The following SLC10A7 variants were observed in gnomAD, a reference collection of about 807,000 sequenced individuals.
SLC10A7 encodes the protein solute carrier family 10 member 7, also known as sodium/bile acid cotransporter 7.
A neutral mutation model predicts 43.2 loss-of-function variants in SLC10A7; 29 were observed. The observed-to-expected ratio is 0.67, with a 90% CI of 0.50 to 0.92. The LOEUF (loss-of-function observed/expected upper bound fraction) is 0.92, where lower values mean the gene tolerates loss of function less well. SLC10A7 is among the 40% of genes least tolerant of loss of function. The pLI, the probability that SLC10A7 is intolerant of heterozygous loss-of-function variation, is 0.00. For synonymous variants in SLC10A7, 152 were observed against 144.8 expected (o/e 1.05, Z -0.35); for missense variants, 295 against 403.2 (o/e 0.73, Z 2.30).
intron 9 of SLC10A7, among the ~76,000 whole-genome samples, chr4:146,290,142 C>A (rs76737518): frequency 6.7e-5 from 10 of 150,284 alleles, no homozygotes; most frequent in African/African-American, 1.9e-4. Context: ...GGCTAACATG[C>A]TGAAACCCCA....
intron 5 of SLC10A7, among the ~76,000 whole-genome samples, chr4:146,427,953 T>C (rs916678749): frequency 6.6e-6 from 1 of 152,064 alleles, no homozygotes; most frequent in African/African-American, 2.4e-5. Flanking sequence ...GGATAATTGC[T>C]TGAGCCCAGG....
At chr4:146,468,434 C>CATTTATTT (rs529887083) in intron 4 of SLC10A7, among the ~76,000 whole-genome samples, 4 of 150,854 alleles carry the variant, frequency 2.7e-5, no homozygotes. Context: ...TGGAGCAATG[C>CATTTATTT]ATTTATTTAT....
intron 6 of SLC10A7, among the ~76,000 whole-genome samples, chr4:146,314,045 G>A (rs1732159505): frequency 6.6e-6 from 1 of 152,112 alleles, no homozygotes; most frequent in Admixed American, 6.6e-5. Flanking sequence ...AGCATAACCT[G>A]GAAGGGGCAT....
intron 3 of SLC10A7, among the ~76,000 whole-genome samples, chr4:146,509,090 G>A (rs192110629): frequency 1.8e-3 from 279 of 152,170 alleles, no homozygotes; most frequent in African/African-American, 6.2e-3. Flanking sequence ...TTAATCAAAA[G>A]CCTGCCCACC....
At chr4:146,489,532 C>T (rs940114159) in intron 4 of SLC10A7, among the ~76,000 whole-genome samples, 3 of 152,142 alleles carry the variant, frequency 2.0e-5, no homozygotes, top group African/African-American at 4.8e-5. Flanking sequence ...GCTGATCTTA[C>T]GATTTTGATG....
At chr4:146,518,243 C>G (rs912621834) in intron 1 of SLC10A7, among the ~76,000 whole-genome samples, 1 of 152,106 alleles carries the variant, frequency 6.6e-6, no homozygotes, top group African/African-American at 2.4e-5. Flanking sequence ...CATTTTATAC[C>G]TATATAGCAG....
chr4:146,457,062 T>C (rs905215681), intron 4 of SLC10A7, among the ~76,000 whole-genome samples: 6 of 152,004 alleles, frequency 3.9e-5, no homozygotes, highest in African/African-American at 1.4e-4. Flanking sequence ...AACTCTGCTA[T>C]TGTGGTGCAA....
rs77428958 is a variant in SLC10A7, at chr4:146,320,946, G to A, written c.471+5015C>T. On this transcript the variant is annotated intron_variant, in intron 6 of 11. Coordinates refer to ENST00000335472, the MANE Select transcript of SLC10A7 (RefSeq NM_001029998.6). ...ACTGTGGCAGAAACATGAATCAGAG[G>A]ACAGGTTTTGATTGGAGCAAGAAAG... Among the ~76,000 whole-genome samples the A allele has an allele frequency of 4.1e-3, 618 of 152,170 alleles. 3 individuals are homozygous for A. Among genetic ancestry groups the A allele is most frequent in the African/African-American group, 0.014 (587 of 41,510 alleles).
At chr4:146,517,545 CT>C (rs1312146594) in intron 1 of SLC10A7, among the ~76,000 whole-genome samples, 2 of 152,106 alleles carry the variant, frequency 1.3e-5, no homozygotes, top group Non-Finnish European at 2.9e-5. Context: ...AGTGTCACCC[CT>C]GGTGTCTTAC....
At chr4:146,301,809 G>A (rs994807288) in intron 7 of SLC10A7, among the ~76,000 whole-genome samples, 2 of 152,020 alleles carry the variant, frequency 1.3e-5, no homozygotes, top group African/African-American at 4.8e-5. Flanking sequence ...CCTAAGACCA[G>A]AATACAAGAG....
chr4:146,374,378 C>T (rs1266569800), intron 5 of SLC10A7, among the ~76,000 whole-genome samples: 1 of 151,878 alleles, frequency 6.6e-6, no homozygotes, highest in Non-Finnish European at 1.5e-5. Flanking sequence ...CACTTGAGGC[C>T]AGGAGTTCAA....
intron 5 of SLC10A7, among the ~76,000 whole-genome samples, chr4:146,334,481 G>A (rs1274709396): frequency 1.3e-5 from 2 of 152,010 alleles, no homozygotes; most frequent in Non-Finnish European, 2.9e-5. Flanking sequence ...GTAAAGAGGA[G>A]GAGAGAAACA....
At chr4:146,337,792 G>C (rs1435083120) in intron 5 of SLC10A7, among the ~76,000 whole-genome samples, 1 of 151,728 alleles carries the variant, frequency 6.6e-6, no homozygotes, top group African/African-American at 2.4e-5. Flanking sequence ...TCAGGAGATG[G>C]TCTGAGTTGT....
chr4:146,446,796 TTATC>T (rs1261557803), intron 4 of SLC10A7, among the ~76,000 whole-genome samples: 5 of 143,736 alleles, frequency 3.5e-5, no homozygotes, highest in Non-Finnish European at 6.1e-5. Context: ...ATCTATCTAT[TTATC>T]TATCTATAGT....
In SLC10A7 at chr4:146,291,481, C is replaced by T. The variant is rs114270125; in HGVS notation, c.773+1448G>A. Among the ~76,000 whole-genome samples the T allele has an allele frequency of 3.2e-3, 492 of 152,328 alleles. 5 individuals carry two copies. Among genetic ancestry groups the T allele is most frequent in the Middle Eastern group, 0.014 (4 of 292 alleles). On this transcript the variant is annotated intron_variant, in intron 9 of 11. Coordinates refer to ENST00000335472, the MANE Select transcript of SLC10A7 (RefSeq NM_001029998.6). ...GAGCCTGCACCATCCACTGCTCTGA[C>T]GCTTTTTCAAGCCTTATAAACAGCA...
At chr4:146,388,342 A>C (rs1254972470) in intron 5 of SLC10A7, among the ~76,000 whole-genome samples, 1 of 152,186 alleles carries the variant, frequency 6.6e-6, no homozygotes, top group African/African-American at 2.4e-5. Flanking sequence ...CCATTCAATA[A>C]ATGGTGCTGG....
chr4:146,372,390 G>A (rs1396773512), intron 5 of SLC10A7, among the ~76,000 whole-genome samples: 2 of 151,138 alleles, frequency 1.3e-5, no homozygotes, highest in East Asian at 3.9e-4. Context: ...GGTAGTCAAG[G>A]CTACAGTGAG....
intron 11 of SLC10A7, chr4:146,256,816 T>A (rs1727916630): frequency 6.6e-7 from 1 of 1,520,500 alleles, no homozygotes; most frequent in Non-Finnish European, 8.8e-7. Flanking sequence ...GAGGAGGCAC[T>A]CATGGATACC....
At chr4:146,319,432 C>A (rs1259296133) in intron 6 of SLC10A7, among the ~76,000 whole-genome samples, 1 of 152,064 alleles carries the variant, frequency 6.6e-6, no homozygotes, top group African/African-American at 2.4e-5. Context: ...ACTCTCCCAT[C>A]CTAATCTAGT....
Sources: allele counts gnomAD v4.1 joint callset (sites outside exome capture counted in the v4.1 genomes callset), GRCh38; gene constraint gnomAD v4.1.1; transcripts MANE v1.5; gene names NCBI Gene and HGNC (gene_info 2026-07-23, HGNC 2026-07-21).